Variants in SYT6 observed in about 807,000 individuals in gnomAD.
SYT6 encodes the protein synaptotagmin-6.
Under a neutral mutation model 38.4 loss-of-function variants are expected in SYT6, and 24 were observed. The observed-to-expected ratio is 0.62, with a 90% CI of 0.45 to 0.88. SYT6 has a LOEUF of 0.88. Ranked by LOEUF, SYT6 falls within the 40% of genes least tolerant of loss-of-function variation. SYT6 has a pLI of 0.00. For synonymous variants in SYT6, 265 were observed against 241.9 expected (o/e 1.10, Z -0.89); for missense variants, 611 against 621.0 (o/e 0.98, Z 0.17).
At chr1:114,122,438 A>G (rs1373226492) in intron 3 of SYT6, among the ~76,000 whole-genome samples, 1 of 151,892 alleles carries the variant, frequency 6.6e-6, no homozygotes, top group East Asian at 1.9e-4. Context: ...AGGAATGAGC[A>G]CTTTGCTGCT....
At chr1:114,129,613 TTTC>T (rs1274700341) in intron 3 of SYT6, among the ~76,000 whole-genome samples, 3 of 67,942 alleles carry the variant, frequency 4.4e-5, no homozygotes, top group South Asian at 6.3e-4. Context: ...TCTTTCTTTC[TTTC>T]CTTTCTTTCT....
At chr1:114,106,817 A>G (rs1676350044) in intron 3 of SYT6, among the ~76,000 whole-genome samples, 1 of 151,878 alleles carries the variant, frequency 6.6e-6, no homozygotes, top group Non-Finnish European at 1.5e-5. Flanking sequence ...AGGAGTCACC[A>G]AGTCCCCTTT....
At chr1:114,101,933 G>A (rs72988603) in intron 4 of SYT6, among the ~76,000 whole-genome samples, 3,997 of 152,188 alleles carry the variant, frequency 0.026, 153 homozygotes, top group African/African-American at 0.084. Flanking sequence ...CTGGATCTTC[G>A]GAATCAAGCC....
At chr1:114,143,718 GTCC>G (rs1408027107) in intron 1 of SYT6, among the ~76,000 whole-genome samples, 1 of 152,038 alleles carries the variant, frequency 6.6e-6, no homozygotes, top group Non-Finnish European at 1.5e-5. Context: ...TCCTAGAGCT[GTCC>G]TCCTCCATTC....
At chr1:114,093,577 G>A (rs1675445748) in intron 7 of SYT6, among the ~76,000 whole-genome samples, 158 bp downstream of exon 7, 1 of 152,142 alleles carries the variant, frequency 6.6e-6, no homozygotes, top group African/African-American at 2.4e-5. Context: ...AGCTAGCTAG[G>A]GGCAGAGCCA....
chr1:114,108,191 C>T (rs1172122689), intron 3 of SYT6, among the ~76,000 whole-genome samples: 1 of 152,134 alleles, frequency 6.6e-6, no homozygotes, highest in African/African-American at 2.4e-5. Context: ...GATGTCGCTG[C>T]CCATATTAGT....
At chr1:114,122,964 A>C (rs6683573) in intron 3 of SYT6, among the ~76,000 whole-genome samples, 1 of 151,750 alleles carries the variant, frequency 6.6e-6, no homozygotes, top group African/African-American at 2.4e-5. Flanking sequence ...GCTTGTCAGC[A>C]TTAGAATCCT....
At chr1:114,096,288 T>C (rs1675637400) in intron 6 of SYT6, among the ~76,000 whole-genome samples, 1 of 152,034 alleles carries the variant, frequency 6.6e-6, no homozygotes. Context: ...GGGGCTCCCC[T>C]GGGGGAGCTG....
At chr1:114,126,873 G>A (rs1201209594) in intron 3 of SYT6, among the ~76,000 whole-genome samples, 1 of 152,210 alleles carries the variant, frequency 6.6e-6, no homozygotes, top group Non-Finnish European at 1.5e-5. Flanking sequence ...GTACCCTACA[G>A]GAAGCTGGCC....
chr1:114,153,755 C>A lies in SYT6; in HGVS notation c.18G>T (p.Gly6=). 1.5e-6 allele frequency: 1 copy of A among 680,942 alleles called. No homozygotes were observed. Among genetic ancestry groups the A allele is most frequent in the Non-Finnish European group, 2.7e-6 (1 of 375,898 alleles). 42.2% of individuals were successfully genotyped at this position (680,942 alleles called of 1,614,324 possible). A position where few individuals can be genotyped will look rare whatever the true frequency, so the allele number is the denominator to read the frequency against. MSGVW[G]AGGPRCQEAL... is the part of the protein sequence containing the mutation. ...CCTCCTGGCACCGAGGCCCGCCGGC[C>A]CCCCACACTCCGCTCATGCCCTAGA... The change falls in exon 1 of 8, where the codon GGG becomes GGT. Residue 6 remains glycine, a synonymous_variant. Coordinates refer to ENST00000610222, the MANE Select transcript of SYT6 (RefSeq NM_001253772.2).
Position 114,091,343 on chromosome 1 carries a change from G to A in SYT6, c.*791C>T, listed in dbSNP as rs1222848196. 6.6e-6 allele frequency: 1 copy of A among 152,532 alleles called. No individual in the cohort carries two copies. Among genetic ancestry groups the A allele is most frequent in the East Asian group, 1.9e-4 (1 of 5,344 alleles). The allele number at this position is 152,532 out of a possible 1,614,324, so 9.4% of individuals were successfully genotyped here. A position where few individuals can be genotyped will look rare whatever the true frequency, so the allele number is the denominator to read the frequency against. On this transcript the variant is annotated 3_prime_UTR_variant, in exon 8 of 8. Transcript: ENST00000610222. ...GAACTGAATCATTCCTAAAGAAAGT[G>A]ACTAAGTTCCCATGAGGAATCAAGA...
intron 3 of SYT6, among the ~76,000 whole-genome samples, chr1:114,122,233 A>G (rs192008212): frequency 6.6e-6 from 1 of 152,342 alleles, no homozygotes; most frequent in Admixed American, 6.5e-5. Context: ...GCAACCTGAC[A>G]TGGAAGTGGT....
At chr1:114,111,036 T>C (rs676743) in intron 3 of SYT6, among the ~76,000 whole-genome samples, 61,253 of 152,036 alleles carry the variant, frequency 0.4, 12,697 homozygotes, top group Non-Finnish European at 0.44. Context: ...AAACAGGGCA[T>C]CCAGAGTACC....
chr1:114,139,778 C>A lies in SYT6; in HGVS notation c.349G>T (p.Asp117Tyr). 2 of 1,612,952 alleles carry A rather than the reference C, an allele frequency of 1.2e-6. No individual in the cohort carries two copies. The highest frequency in any genetic ancestry group is 1.7e-6 in the Non-Finnish European group (2 of 1,179,306). ...QSPSFRGNMA[D>Y]KLKDPSTLGF... ...AGGGTGCTGGGGTCCTTCAGCTTGT[C>A]CGCCATGTTGCCTCTGAAGCTGGGG... The change falls in exon 2 of 8, where the codon GAC becomes TAC. Residue 117 changes from aspartate (D) to tyrosine (Y), a missense_variant. Coordinates refer to ENST00000610222, the MANE Select transcript of SYT6 (RefSeq NM_001253772.2).
At chr1:114,122,504 T>TGCGCGC (rs200244044) in intron 3 of SYT6, among the ~76,000 whole-genome samples, 4 of 114,446 alleles carry the variant, frequency 3.5e-5, no homozygotes, top group South Asian at 5.9e-4. Context: ...TGTGTGTGTG[T>TGCGCGC]GTGCGCGCAC....
Position 114,092,032 on chromosome 1 carries a change from C to A in SYT6, c.*102G>T. 1 of 1,536,244 alleles carries A rather than the reference C, an allele frequency of 6.5e-7. No homozygotes were observed. Among genetic ancestry groups the A allele is most frequent in the Non-Finnish European group, 8.7e-7 (1 of 1,146,890 alleles). On this transcript the variant is annotated 3_prime_UTR_variant, in exon 8 of 8. Coordinates refer to ENST00000610222, the MANE Select transcript of SYT6 (RefSeq NM_001253772.2). Reference sequence around the variant, plus strand: ...CATCTCATGGTGTTGGAGGTGGTTTCGGAGATGGGCACGAGCTCTCACTGT... The same window carrying A: ...CATCTCATGGTGTTGGAGGTGGTTTAGGAGATGGGCACGAGCTCTCACTGT...
At chr1:114,100,560 G>A (rs913741613) in intron 4 of SYT6, among the ~76,000 whole-genome samples, 2 of 152,256 alleles carry the variant, frequency 1.3e-5, no homozygotes, top group Admixed American at 1.3e-4. Context: ...CCATGTGGCA[G>A]CAGTAGCTAT....
At chr1:114,135,490 G>A (rs960506054) in intron 3 of SYT6, among the ~76,000 whole-genome samples, 2 of 148,682 alleles carry the variant, frequency 1.3e-5, no homozygotes, top group African/African-American at 2.5e-5. Context: ...GGAGATGGAG[G>A]AGGGCTATAA....
intron 1 of SYT6, among the ~76,000 whole-genome samples, chr1:114,146,535 C>T (rs933711712): frequency 1.6e-4 from 25 of 152,338 alleles, no homozygotes; most frequent in African/African-American, 6.0e-4. Context: ...GCAGCTAGAA[C>T]TTTGATGGGC....
Sources: allele counts gnomAD v4.1 joint callset (sites outside exome capture counted in the v4.1 genomes callset), GRCh38; gene constraint gnomAD v4.1.1; transcripts MANE v1.5; gene names NCBI Gene and HGNC (gene_info 2026-07-23, HGNC 2026-07-21).